The following UACA variants were observed in gnomAD, a reference collection of about 807,000 sequenced individuals.
The protein encoded by UACA is uveal autoantigen with coiled-coil domains and ankyrin repeats.
In UACA, 112 loss-of-function variants were observed where a neutral mutation model predicts 160.5. The observed-to-expected ratio is 0.70, with a 90% confidence interval of 0.60 to 0.82. The LOEUF (loss-of-function observed/expected upper bound fraction) is 0.82. UACA is among the 40% of genes least tolerant of loss of function. The probability of loss-of-function intolerance (pLI) is 0.00; values close to 1 mark genes in which losing one functional copy is unlikely to be tolerated. For missense variants in UACA, 1,574 were observed against 1,614.6 expected (o/e 0.97, Z 0.43); for synonymous variants, 557 against 568.4 (o/e 0.98, Z 0.29).
chr15:70,688,795 T>C (rs1897822591), intron 5 of UACA, among the ~76,000 whole-genome samples: 1 of 151,872 alleles, frequency 6.6e-6, no homozygotes, highest in African/African-American at 2.4e-5. Flanking sequence ...GACTTTGAGC[T>C]AGATGAAGTA....
intron 13 of UACA, 88 bp from the exon 14 acceptor site, chr15:70,672,089 C>A: frequency 8.7e-7 from 1 of 1,147,456 alleles, no homozygotes; most frequent in South Asian, 1.7e-5. Flanking sequence ...ATCATGCAGT[C>A]ATTAAAACTA....
chr15:70,699,552 T>A lies in UACA; in HGVS notation c.187A>T (p.Lys63Ter). Residue 63 changes from lysine to a stop codon, truncating the protein, a stop_gained, in exon 2 of 19, where the codon AAA becomes TAA. Transcript: ENST00000322954. LOFTEE classifies it high-confidence loss of function. ...ACAGATCTGCCTTCCACATCTAGTT[T>A]GCCTGGATTGACCCCCTTTTTAGCA... ...ILAKKGVNPG[K>*]LDVEGRSVFH... 1 of 1,611,360 alleles carries A rather than the reference T, an allele frequency of 6.2e-7. No homozygotes were observed. Among genetic ancestry groups the A allele is most frequent in the Non-Finnish European group, 8.5e-7 (1 of 1,179,364 alleles).
At chr15:70,700,318 T>TATACACACACACAC (rs565377949) in intron 1 of UACA, among the ~76,000 whole-genome samples, 10 of 139,762 alleles carry the variant, frequency 7.2e-5, no homozygotes, top group African/African-American at 2.9e-4. Context: ...TATATATATA[T>TATACACACACACAC]ACACACACAC....
intron 2 of UACA, among the ~76,000 whole-genome samples, chr15:70,698,888 G>A (rs1898227557): frequency 6.6e-6 from 1 of 152,104 alleles, no homozygotes; most frequent in East Asian, 1.9e-4. Flanking sequence ...TTGAGACGGG[G>A]AAGGGGAGAA....
At chr15:70,679,828 T>A in intron 9 of UACA, 152 bp from the exon 10 acceptor site, 1 of 432,384 alleles carries the variant, frequency 2.3e-6, no homozygotes, top group Non-Finnish European at 4.1e-6. Context: ...TATTTAAAAC[T>A]CCAAAATGGA....
rs1305635542 is a variant in UACA at position 70,763,314 on chromosome 15, G to A, written c.78+16C>T. On this transcript the variant is annotated intron_variant, in intron 1 of 18. Coordinates refer to ENST00000322954, the MANE Select transcript of UACA (RefSeq NM_018003.4). ...CCCGGAGCGGAGCGCCTCGCAGCCC[G>A]GACCGCGGGACTCACCGCGCTGGCG... The A allele has an allele frequency of 1.5e-6, 2 of 1,324,650 alleles. No individual in the cohort carries two copies. Among genetic ancestry groups the A allele is most frequent in the Non-Finnish European group, 9.7e-7 (1 of 1,030,950 alleles). 82.1% of individuals were successfully genotyped at this position (1,324,650 alleles called of 1,614,324 possible). A position where few individuals can be genotyped will look rare whatever the true frequency, so the allele number is the denominator to read the frequency against.
At chr15:70,774,430 C>G in the UACA span, among the ~76,000 whole-genome samples, 1 of 151,704 alleles carries the variant, frequency 6.6e-6, no homozygotes, top group South Asian at 2.1e-4. Context: ...CCTGTAGTCC[C>G]AGCTACTCGG....
At chr15:70,718,693 A>C (rs1397006598) in intron 1 of UACA, among the ~76,000 whole-genome samples, 1 of 152,136 alleles carries the variant, frequency 6.6e-6, no homozygotes, top group Non-Finnish European at 1.5e-5. Flanking sequence ...GAAGCCACTT[A>C]AATTTGGAGG....
At chr15:70,737,871 A>G (rs1294871502) in intron 1 of UACA, among the ~76,000 whole-genome samples, 2 of 152,218 alleles carry the variant, frequency 1.3e-5, no homozygotes, top group African/African-American at 4.8e-5. Flanking sequence ...CATCAGCCAC[A>G]GTACTTACAC....
intron 1 of UACA, among the ~76,000 whole-genome samples, chr15:70,757,992 T>G (rs2030530866): frequency 6.6e-6 from 1 of 152,340 alleles, no homozygotes; most frequent in East Asian, 1.9e-4. Context: ...TTTTCCAAAC[T>G]AAATAAGGCA....
chr15:70,718,576 C>G (rs962468869), intron 1 of UACA, among the ~76,000 whole-genome samples: 1 of 152,098 alleles, frequency 6.6e-6, no homozygotes, highest in East Asian at 1.9e-4. Context: ...AGCCTTGGTT[C>G]CCAAATGAGA....
chr15:70,721,363 C>G (rs906591948), intron 1 of UACA, among the ~76,000 whole-genome samples: 4 of 152,288 alleles, frequency 2.6e-5, no homozygotes, highest in African/African-American at 9.6e-5. Context: ...CGGTGGCTCA[C>G]GCCTGTAATC....
chr15:70,756,862 G>A (rs1353604760), intron 1 of UACA, among the ~76,000 whole-genome samples: 1 of 152,162 alleles, frequency 6.6e-6, no homozygotes, highest in Non-Finnish European at 1.5e-5. Context: ...AACAGAGTGA[G>A]ACTTCATCTC....
At chr15:70,659,271 T>C (rs1372551307) in intron 18 of UACA, among the ~76,000 whole-genome samples, 1 of 152,036 alleles carries the variant, frequency 6.6e-6, no homozygotes, top group African/African-American at 2.4e-5. Context: ...GGTCTATTGA[T>C]TTTAAGAATT....
At chr15:70,749,176 T>C (rs777109389) in intron 1 of UACA, 9 of 432,864 alleles carry the variant, frequency 2.1e-5, no homozygotes, top group Non-Finnish European at 4.2e-5. Flanking sequence ...GGATCCTAGT[T>C]CATTGTGCTA....
intron 2 of UACA, among the ~76,000 whole-genome samples, chr15:70,698,027 G>A (rs1158046090): frequency 6.6e-6 from 1 of 151,688 alleles, no homozygotes; most frequent in African/African-American, 2.4e-5. Context: ...AACCAGCCTG[G>A]GCAACAAGAG....
At chr15:70,760,323 A>G (rs936219978) in intron 1 of UACA, among the ~76,000 whole-genome samples, 1 of 152,166 alleles carries the variant, frequency 6.6e-6, no homozygotes, top group African/African-American at 2.4e-5. Context: ...CATAAACCTA[A>G]AAATCATAAA....
chr15:70,747,768 T>C (rs922569456), intron 1 of UACA, among the ~76,000 whole-genome samples: 2 of 152,146 alleles, frequency 1.3e-5, no homozygotes, highest in Non-Finnish European at 2.9e-5. Context: ...TTCTGCCTAT[T>C]GAATATCTCT....
chr15:70,723,140 T>C (rs1899042167), intron 1 of UACA, among the ~76,000 whole-genome samples: 1 of 152,218 alleles, frequency 6.6e-6, no homozygotes, highest in Non-Finnish European at 1.5e-5. Context: ...CCACTTCATT[T>C]GTTATTAGAG....
Sources: gnomAD v4.1 joint callset for allele counts (sites outside exome capture counted in the v4.1 genomes callset) on GRCh38, gnomAD v4.1.1 for gene constraint, MANE v1.5 for transcripts, NCBI Gene and HGNC (gene_info 2026-07-23, HGNC 2026-07-21) for gene names.